MXI1: variants seen among roughly 807,000 people sequenced by gnomAD.
MXI1 encodes the protein MAX interactor 1, dimerization protein, also known as max-interacting protein 1.
In MXI1, 18 loss-of-function variants were observed where a neutral mutation model predicts 36.9. The observed-to-expected ratio is 0.49, with a 90% confidence interval of 0.34 to 0.72. The LOEUF (loss-of-function observed/expected upper bound fraction) is 0.72. Among genes scored for constraint, MXI1 ranks in the 30% least tolerant of loss-of-function variants. MXI1 has a pLI of 0.01. For synonymous variants in MXI1, 160 were observed against 146.7 expected (o/e 1.09, Z -0.65); for missense variants, 304 against 379.1 (o/e 0.80, Z 1.64).
At chr10:110,210,847 C>G (rs1178773901) in intron 1 of MXI1, among the ~76,000 whole-genome samples, 2 of 152,206 alleles carry the variant, frequency 1.3e-5, no homozygotes, top group African/African-American at 2.4e-5. Context: ...TGCGTGCGCC[C>G]GGCTCGGGCA....
At chr10:110,259,212 T>C (rs1431645538) in intron 3 of MXI1, among the ~76,000 whole-genome samples, 1 of 152,122 alleles carries the variant, frequency 6.6e-6, no homozygotes, top group Non-Finnish European at 1.5e-5. Context: ...AAGAAAACAA[T>C]TCTTCTCAAA....
At chr10:110,267,651 TAAC>T (rs1361584888) in intron 3 of MXI1, among the ~76,000 whole-genome samples, 1 of 152,222 alleles carries the variant, frequency 6.6e-6, no homozygotes, top group Non-Finnish European at 1.5e-5. Flanking sequence ...TTTGTAAACA[TAAC>T]ACAATTTAGA....
chr10:110,276,887 C>G (rs2795916), intron 3 of MXI1, among the ~76,000 whole-genome samples: 1 of 148,526 alleles, frequency 6.7e-6, no homozygotes, highest in African/African-American at 2.5e-5. Context: ...CACTCTGTGG[C>G]TCAGGCAGAA....
Position 110,281,879 on chromosome 10 carries a change from A to G in MXI1, c.724+1794A>G, listed in dbSNP as rs929334941. ...TAATATTAATCAATAGGTTCAGGTAAGGTCATTTTAATACATTTATATAAA... is the reference window on the plus strand; with the variant it reads ...TAATATTAATCAATAGGTTCAGGTAGGGTCATTTTAATACATTTATATAAA... On this transcript the variant is annotated intron_variant, in intron 5 of 5. Transcript: ENST00000332674. 2.0e-5 allele frequency among the ~76,000 whole-genome samples: 3 copies of G among 152,204 alleles called. No homozygotes were observed. In the South Asian group the frequency reaches 6.2e-4, roughly 31 times the overall value.
intron 2 of MXI1, among the ~76,000 whole-genome samples, chr10:110,240,422 AT>A (rs1369905416): frequency 2.0e-5 from 3 of 151,956 alleles, no homozygotes; most frequent in Non-Finnish European, 2.9e-5. Context: ...TGTGGTGGTA[AT>A]TGTTTTGTCA....
At chr10:110,257,416 C>T (rs955117723) in intron 3 of MXI1, 1 of 150,578 alleles carries the variant, frequency 6.6e-6, no homozygotes, top group Non-Finnish European at 1.5e-5. Context: ...TCAAGTGATT[C>T]TCCTACTTCA....
intron 2 of MXI1, among the ~76,000 whole-genome samples, chr10:110,230,777 A>C (rs571659574): frequency 6.6e-6 from 1 of 152,290 alleles, no homozygotes; most frequent in East Asian, 1.9e-4. Flanking sequence ...TTTTAATGAG[A>C]TTTTATTATG....
intron 3 of MXI1, among the ~76,000 whole-genome samples, chr10:110,250,022 C>T (rs2134404762): frequency 6.6e-6 from 1 of 152,192 alleles, no homozygotes; most frequent in South Asian, 2.1e-4. Flanking sequence ...CCGAGGGAAG[C>T]CTAATGGTGG....
At chr10:110,227,567 G>C in intron 1 of MXI1, 337 of 652,494 alleles carry the variant, frequency 5.2e-4, no homozygotes, top group Non-Finnish European at 5.8e-4. Context: ...GAGGAAGGAG[G>C]AACACGGATG....
chr10:110,246,831 A>G lies in MXI1; in HGVS notation c.437+1974A>G, dbSNP rs577748250. On this transcript the variant is annotated intron_variant, in intron 3 of 5. Transcript: ENST00000332674. Reference sequence around the variant, plus strand: ...TCTGCCTTTTATTTCTGATTTATTAAAGATCTGGATGGATAAAGGAAGGAC... The same window carrying G: ...TCTGCCTTTTATTTCTGATTTATTAGAGATCTGGATGGATAAAGGAAGGAC... Among the ~76,000 whole-genome samples, 8 of 152,284 alleles carry G rather than the reference A, an allele frequency of 5.3e-5. No homozygotes were observed. In the South Asian group the frequency reaches 6.2e-4, roughly 12 times the overall value.
chr10:110,238,451 A>G (rs1855547442), intron 2 of MXI1, among the ~76,000 whole-genome samples: 1 of 152,188 alleles, frequency 6.6e-6, no homozygotes, highest in Admixed American at 6.5e-5. Flanking sequence ...ATTGGGTTCA[A>G]TTTGGCAAAA....
At chr10:110,234,344 AT>A (rs1330678607) in intron 2 of MXI1, among the ~76,000 whole-genome samples, 1 of 152,160 alleles carries the variant, frequency 6.6e-6, no homozygotes, top group Non-Finnish European at 1.5e-5. Context: ...TCCAGGTCCC[AT>A]TTTTAGTGTG....
At chr10:110,218,205 C>T (rs981884832) in intron 1 of MXI1, among the ~76,000 whole-genome samples, 6 of 152,100 alleles carry the variant, frequency 3.9e-5, no homozygotes, top group African/African-American at 1.4e-4. Flanking sequence ...AATCCCAGCA[C>T]TTTGGGAGGC....
chr10:110,208,744 C>T (rs1564701877), intron 1 of MXI1, among the ~76,000 whole-genome samples: 1 of 148,378 alleles, frequency 6.7e-6, no homozygotes, highest in East Asian at 2.0e-4. Context: ...ACCGCCGCCC[C>T]CCCCCCCCCA....
At chr10:110,258,363 A>G (rs190067082) in intron 3 of MXI1, among the ~76,000 whole-genome samples, 31 of 152,294 alleles carry the variant, frequency 2.0e-4, no homozygotes, top group African/African-American at 7.5e-4. Context: ...ATAGAGGGTT[A>G]CTGTAGAACA....
At chr10:110,238,342 C>G (rs577638541) in intron 2 of MXI1, among the ~76,000 whole-genome samples, 6 of 152,098 alleles carry the variant, frequency 3.9e-5, no homozygotes, top group South Asian at 2.1e-4. Flanking sequence ...AGGTGTAGTC[C>G]GAAGACCCAC....
chr10:110,217,187 C>G (rs1854674049), intron 1 of MXI1, among the ~76,000 whole-genome samples: 1 of 152,138 alleles, frequency 6.6e-6, no homozygotes, highest in African/African-American at 2.4e-5. Context: ...GGCCACAGAC[C>G]TCTAATATCC....
rs565819439 is a variant in MXI1 at position 110,280,605 on chromosome 10, G to A, written c.724+520G>A. Among the ~76,000 whole-genome samples, 332 of 151,738 alleles carry A rather than the reference G, an allele frequency of 2.2e-3. 4 individuals are homozygous for A. In the Middle Eastern group the frequency reaches 0.045, roughly 20 times the overall value. ...TGAGGCAGGAGAATGGCGTGAACCC[G>A]GGAGGCGGAGCTTGCAGTGAGCCGA... On this transcript the variant is annotated intron_variant, in intron 5 of 5. Coordinates refer to ENST00000332674, the MANE Select transcript of MXI1 (RefSeq NM_130439.3).
chr10:110,269,464 C>G (rs958532391), intron 3 of MXI1, among the ~76,000 whole-genome samples: 4 of 152,176 alleles, frequency 2.6e-5, no homozygotes, highest in African/African-American at 9.7e-5. Context: ...GTAAGATCAC[C>G]ATTTTAATTA....
Sources: gnomAD v4.1 joint callset for allele counts (sites outside exome capture counted in the v4.1 genomes callset) on GRCh38, gnomAD v4.1.1 for gene constraint, MANE v1.5 for transcripts, NCBI Gene and HGNC (gene_info 2026-07-23, HGNC 2026-07-21) for gene names.